Variants in XKR4 observed in about 807,000 individuals in gnomAD.
The protein encoded by XKR4 is XK-related protein 4.
XKR4 carries 12 observed loss-of-function variants against 53.9 expected under a neutral mutation model. The observed-to-expected ratio is 0.22, with a 90% CI of 0.14 to 0.36. The LOEUF (loss-of-function observed/expected upper bound fraction) is 0.36. Ranked by LOEUF, XKR4 falls within the 10% of genes least tolerant of loss-of-function variation. The probability of loss-of-function intolerance (pLI) is 1.00; values close to 1 mark genes in which losing one functional copy is unlikely to be tolerated. For synonymous variants in XKR4, 354 were observed against 362.4 expected, an observed-to-expected ratio of 0.98 and a Z score of 0.26; for missense variants, 799 against 859.5, an observed-to-expected ratio of 0.93 and a Z score of 0.88.
chr8:55,275,768 T>C (rs767084605), intron 1 of XKR4, among the ~76,000 whole-genome samples: 1 of 152,236 alleles, frequency 6.6e-6, no homozygotes, highest in Non-Finnish European at 1.5e-5. Flanking sequence ...TTACCACATT[T>C]ATCTAGCTTA....
intron 2 of XKR4, among the ~76,000 whole-genome samples, chr8:55,413,716 A>T (rs577796246): frequency 6.6e-6 from 1 of 152,146 alleles, no homozygotes; most frequent in Non-Finnish European, 1.5e-5. Context: ...AGAGAGATGC[A>T]TTTTGCCACT....
intron 2 of XKR4, among the ~76,000 whole-genome samples, chr8:55,513,822 A>G (rs1663675740): frequency 6.6e-6 from 1 of 152,224 alleles, no homozygotes; most frequent in South Asian, 2.1e-4. Context: ...GTTTCCATGC[A>G]TATAGGAAAA....
At chr8:55,272,944 C>T in intron 1 of XKR4, 1 of 450,646 alleles carries the variant, frequency 2.2e-6, no homozygotes, top group Non-Finnish European at 4.4e-6. Flanking sequence ...GGATAAACAC[C>T]ACTGCCTACA....
intron 2 of XKR4, among the ~76,000 whole-genome samples, chr8:55,404,537 CA>C (rs1804657372): frequency 6.6e-6 from 1 of 152,226 alleles, no homozygotes; most frequent in African/African-American, 2.4e-5. Flanking sequence ...AACAAGCAGA[CA>C]AACATCCATT....
intron 1 of XKR4, among the ~76,000 whole-genome samples, chr8:55,196,700 C>CA (rs1396487219): frequency 6.6e-6 from 1 of 151,538 alleles, no homozygotes; most frequent in Non-Finnish European, 1.5e-5. Flanking sequence ...GGAAAGAATC[C>CA]AAAAAAAGCA....
At chr8:55,499,398 T>C (rs1372495541) in intron 2 of XKR4, among the ~76,000 whole-genome samples, 2 of 152,312 alleles carry the variant, frequency 1.3e-5, no homozygotes, top group South Asian at 2.1e-4. Context: ...CCACCTACCA[T>C]GTGACACACA....
chr8:55,429,546 GA>G (rs201541808), intron 2 of XKR4, among the ~76,000 whole-genome samples: 16 of 148,936 alleles, frequency 1.1e-4, no homozygotes, highest in African/African-American at 2.2e-4. Context: ...TCATCTGTAT[GA>G]AAAAAAAAAT....
intron 1 of XKR4, among the ~76,000 whole-genome samples, chr8:55,232,403 T>G (rs1585955446): frequency 6.6e-6 from 1 of 152,332 alleles, no homozygotes; most frequent in Admixed American, 6.5e-5. Flanking sequence ...TCTCTCAGTG[T>G]CCTACAGATG....
Position 55,461,565 on chromosome 8 carries a change from T to G in XKR4, c.1007-61716T>G, listed in dbSNP as rs141036809. On this transcript the variant is annotated intron_variant, in intron 2 of 2. Coordinates refer to ENST00000327381, the MANE Select transcript of XKR4 (RefSeq NM_052898.2). The stretch of plus-strand genomic sequence containing the variant: ...AAACCAGAAACTCTAAAAATCAGAG[T>G]GCCTCTCCTTCTCCAAAGGAACACA... 5.9e-3 allele frequency among the ~76,000 whole-genome samples: 899 copies of G among 152,014 alleles called. 9 individuals carry two copies. The highest frequency in any genetic ancestry group is 0.02 in the African/African-American group (837 of 41,454).
chr8:55,382,116 C>T (rs930185461), intron 2 of XKR4, among the ~76,000 whole-genome samples: 2 of 152,102 alleles, frequency 1.3e-5, no homozygotes, highest in African/African-American at 4.8e-5. Context: ...ATTGGAGATG[C>T]CTTTGTCAAA....
rs976181762 is a variant in XKR4 at position 55,368,063 on chromosome 8, C to T, written c.1006+10186C>T. ...GCAACCTCTGCCTCCCAGGTTCAAG[C>T]GATTCCCGTGCCTCAGCCTCCCAAG... is the stretch of plus-strand genomic sequence containing the variant. On this transcript the variant is annotated intron_variant, in intron 2 of 2. Coordinates refer to ENST00000327381, the MANE Select transcript of XKR4 (RefSeq NM_052898.2). Among the ~76,000 whole-genome samples the T allele has an allele frequency of 2.0e-5, 3 of 152,226 alleles. No individual in the cohort carries two copies. In the South Asian group the frequency reaches 6.2e-4, roughly 32 times the overall value.
chr8:55,450,278 G>A lies in XKR4; in HGVS notation c.1007-73003G>A, dbSNP rs974758252. The A allele has an allele frequency of 1.6e-5, 11 of 708,784 alleles. No homozygotes were observed. The African/African-American group carries it at 2.0e-4, about 13-fold the overall frequency. 43.9% of individuals were successfully genotyped at this position (708,784 alleles called of 1,614,324 possible). On this transcript the variant is annotated intron_variant, in intron 2 of 2. Transcript: ENST00000327381. ...GGGGCTCAGGGGGTTCCCCGAGCCA[G>A]TTCCCAGTCATAGGGAGGGCCCTCG...
At chr8:55,251,560 A>C (rs1276502571) in intron 1 of XKR4, among the ~76,000 whole-genome samples, 1 of 152,222 alleles carries the variant, frequency 6.6e-6, no homozygotes, top group Non-Finnish European at 1.5e-5. Context: ...TTTGGAAAAT[A>C]GTAAGTAGCT....
intron 1 of XKR4, among the ~76,000 whole-genome samples, chr8:55,256,266 T>G (rs1818438161): frequency 1.3e-5 from 2 of 152,178 alleles, no homozygotes; most frequent in Admixed American, 1.3e-4. Flanking sequence ...ATTGAAGAAC[T>G]TGAACTTTAT....
intron 2 of XKR4, among the ~76,000 whole-genome samples, chr8:55,412,290 G>A (rs942297087): frequency 1.3e-5 from 2 of 152,150 alleles, no homozygotes; most frequent in African/African-American, 2.4e-5. Flanking sequence ...AAGCTGCAGT[G>A]GGAGGGGACA....
At chr8:55,213,856 C>CTTTTTTTTTTTTTTTTTTTTT (rs11433893) in intron 1 of XKR4, among the ~76,000 whole-genome samples, 19 of 82,346 alleles carry the variant, frequency 2.3e-4, no homozygotes, top group South Asian at 5.1e-4. Flanking sequence ...TTCTTTCTTT[C>CTTTTTTTTTTTTTTTTTTTTT]TTTTTTTTTT....
chr8:55,471,224 C>T (rs1805876685), intron 2 of XKR4, among the ~76,000 whole-genome samples: 1 of 152,010 alleles, frequency 6.6e-6, no homozygotes, highest in African/African-American at 2.4e-5. Context: ...TTCTATCAGG[C>T]AGTACAGGTA....
At chr8:55,144,432 G>C (rs1816744762) in intron 1 of XKR4, among the ~76,000 whole-genome samples, 1 of 152,030 alleles carries the variant, frequency 6.6e-6, no homozygotes, top group African/African-American at 2.4e-5. Context: ...TAGAAATAGT[G>C]CTTGAAACCC....
chr8:55,292,851 G>A (rs943419154), intron 1 of XKR4, among the ~76,000 whole-genome samples: 1 of 151,980 alleles, frequency 6.6e-6, no homozygotes, highest in South Asian at 2.1e-4. Context: ...ATTCAGTTTT[G>A]TATATATTTT....
Sources: gnomAD v4.1 joint callset for allele counts (sites outside exome capture counted in the v4.1 genomes callset) on GRCh38, gnomAD v4.1.1 for gene constraint, MANE v1.5 for transcripts, NCBI Gene and HGNC (gene_info 2026-07-23, HGNC 2026-07-21) for gene names.